The following TRMT11 variants were observed in gnomAD, a reference collection of about 807,000 sequenced individuals.
TRMT11 encodes the protein tRNA methyltransferase 11.
In TRMT11, 53 loss-of-function variants were observed where a neutral mutation model predicts 62.8. The observed-to-expected ratio is 0.84, with a 90% CI of 0.68 to 1.06. The LOEUF is 1.06. Ranked by LOEUF, TRMT11 falls within the 50% of genes least tolerant of loss-of-function variation. The probability of loss-of-function intolerance (pLI) is 0.00; values close to 1 mark genes in which losing one functional copy is unlikely to be tolerated. For synonymous variants in TRMT11, 188 were observed against 190.3 expected (o/e 0.99, Z 0.10); for missense variants, 556 against 553.4 (o/e 1.00, Z -0.05).
chr6:126,124,143 T>C (rs994294474), intron 21 of TRMT11, among the ~76,000 whole-genome samples: 2 of 152,122 alleles, frequency 1.3e-5, no homozygotes, highest in African/African-American at 4.8e-5. Flanking sequence ...TAATTATAAA[T>C]GATGTACTAA....
rs1562321347 is a variant in TRMT11, at chr6:126,093,608, TATA to T, written c.*1438-19257_*1438-19255del. Among the ~76,000 whole-genome samples the T allele has an allele frequency of 3.8e-4, 38 of 100,972 alleles. 3 individuals are homozygous for T. The highest frequency in any genetic ancestry group is 1.9e-3 in the African/African-American group (35 of 18,760). The allele number at this position is 100,972 out of a possible 152,430, so 66.2% of individuals were successfully genotyped here. A position where few individuals can be genotyped will look rare whatever the true frequency, so the allele number is the denominator to read the frequency against. ...ATGTATATATATATATATATATATATATATATATATATATATATATATATTTTC... is the reference window on the plus strand; with the variant it reads ...ATGTATATATATATATATATATATATTATATATATATATATATATATTTTC... On this transcript the variant is annotated intron_variant and NMD_transcript_variant, in intron 17 of 22. Transcript: ENST00000648977.
At chr6:126,089,873 G>A (rs909268705) in intron 17 of TRMT11, among the ~76,000 whole-genome samples, 1 of 152,162 alleles carries the variant, frequency 6.6e-6, no homozygotes, top group Admixed American at 6.5e-5. Context: ...GCAGCAATGT[G>A]GTGCTAATGC....
chr6:126,261,479 G>A, the TRMT11 span, among the ~76,000 whole-genome samples: 1 of 151,420 alleles, frequency 6.6e-6, no homozygotes, highest in East Asian at 1.9e-4. Flanking sequence ...TGTTTTGGGG[G>A]GCTGTCATGC....
chr6:126,181,075 A>G (rs1360918151), intron 1 of TRMT11, among the ~76,000 whole-genome samples: 1 of 152,166 alleles, frequency 6.6e-6, no homozygotes, highest in African/African-American at 2.4e-5. Flanking sequence ...TTTTTTTTTA[A>G]AGGAATATTT....
chr6:126,025,636 T>G (rs969952121), intron 12 of TRMT11, among the ~76,000 whole-genome samples: 5 of 152,220 alleles, frequency 3.3e-5, no homozygotes, highest in African/African-American at 1.2e-4. Context: ...TGTATATAAT[T>G]GCAGCAAGAT....
downstream of TRMT11, among the ~76,000 whole-genome samples, chr6:126,204,858 G>C (rs941735549): frequency 1.3e-5 from 2 of 152,232 alleles, no homozygotes; most frequent in African/African-American, 4.8e-5. Context: ...ATTGGGCAGA[G>C]CCAGTTGCCT....
At chr6:126,268,877 G>C in the TRMT11 span, among the ~76,000 whole-genome samples, 1 of 152,008 alleles carries the variant, frequency 6.6e-6, no homozygotes, top group East Asian at 1.9e-4. Context: ...AGAGAACATA[G>C]AGAAGAAAAG....
chr6:125,986,690 G>A, intron 1 of TRMT11, 68 bp downstream of exon 1: 1 of 1,444,690 alleles, frequency 6.9e-7, no homozygotes, highest in Admixed American at 2.0e-5. Flanking sequence ...AGTGGGTGGA[G>A]GTGATCTGCA....
At chr6:126,023,187 T>C (rs1796074820) in intron 12 of TRMT11, among the ~76,000 whole-genome samples, 1 of 152,178 alleles carries the variant, frequency 6.6e-6, no homozygotes, top group South Asian at 2.1e-4. Context: ...TTAAAAACAT[T>C]GCAGATTCAG....
the TRMT11 span, among the ~76,000 whole-genome samples, chr6:126,261,343 A>T: frequency 2.0e-5 from 3 of 152,214 alleles, no homozygotes; most frequent in Admixed American, 6.5e-5. Context: ...TTCTGATTGC[A>T]TTGAAATATT....
At chr6:126,075,558 A>G (rs1776997968) in intron 17 of TRMT11, among the ~76,000 whole-genome samples, 1 of 151,846 alleles carries the variant, frequency 6.6e-6, no homozygotes, top group Admixed American at 6.6e-5. Context: ...CATGATTGTA[A>G]GTTTCCTGAG....
downstream of TRMT11, among the ~76,000 whole-genome samples, chr6:126,206,415 A>C (rs998921251): frequency 1.3e-5 from 2 of 152,120 alleles, no homozygotes; most frequent in East Asian, 1.9e-4. Context: ...CGGTTATGTC[A>C]ATCTTTGTCG....
chr6:126,236,535 G>A, the TRMT11 span, among the ~76,000 whole-genome samples: 34 of 152,122 alleles, frequency 2.2e-4, no homozygotes, highest in African/African-American at 4.6e-4. Context: ...CTATTGACAC[G>A]AATTCTTTCT....
chr6:126,042,154 A>G (rs1389416068), downstream of TRMT11, among the ~76,000 whole-genome samples: 1 of 152,190 alleles, frequency 6.6e-6, no homozygotes, highest in Admixed American at 6.5e-5. Context: ...AAGAATTATA[A>G]TGGAATGGTA....
chr6:126,215,968 G>C, the TRMT11 span, among the ~76,000 whole-genome samples: 3 of 151,802 alleles, frequency 2.0e-5, no homozygotes, highest in Non-Finnish European at 4.4e-5. Flanking sequence ...TTTTATTTTT[G>C]ATTGGTACAT....
chr6:126,237,772 A>T, the TRMT11 span, among the ~76,000 whole-genome samples: 3 of 152,348 alleles, frequency 2.0e-5, no homozygotes, highest in Non-Finnish European at 4.4e-5. Context: ...AGGGAAGATT[A>T]TCTGCTCAAA....
intron 17 of TRMT11, among the ~76,000 whole-genome samples, chr6:126,059,689 T>C (rs974768021): frequency 6.6e-6 from 1 of 152,198 alleles, no homozygotes; most frequent in Non-Finnish European, 1.5e-5. Flanking sequence ...AGGTGTTTAA[T>C]AGTGAGTAAT....
the TRMT11 span, among the ~76,000 whole-genome samples, chr6:126,239,412 A>C: frequency 6.6e-6 from 1 of 152,098 alleles, no homozygotes; most frequent in Non-Finnish European, 1.5e-5. Flanking sequence ...GGTGGTGACA[A>C]AATCTCTCAG....
chr6:126,082,447 G>C (rs550618388), intron 17 of TRMT11, among the ~76,000 whole-genome samples: 1 of 152,028 alleles, frequency 6.6e-6, no homozygotes, highest in Non-Finnish European at 1.5e-5. Context: ...CATTCACTTT[G>C]TGTTCTCTTG....
Sources: allele counts gnomAD v4.1 joint callset (sites outside exome capture counted in the v4.1 genomes callset), GRCh38; gene constraint gnomAD v4.1.1; transcripts MANE v1.5; gene names NCBI Gene and HGNC (gene_info 2026-07-23, HGNC 2026-07-21).